Variants in GSAP observed in about 807,000 individuals in gnomAD.
GSAP encodes the protein gamma-secretase-activating protein.
In GSAP, 118 loss-of-function variants were observed where a neutral mutation model predicts 131.7. The observed-to-expected ratio is 0.90, with a 90% confidence interval of 0.77 to 1.04. The LOEUF (loss-of-function observed/expected upper bound fraction) is 1.04, where lower values mean the gene tolerates loss of function less well. GSAP is among the 50% of genes least tolerant of loss of function. The pLI is 0.00. For synonymous variants in GSAP, 381 were observed against 363.4 expected, an observed-to-expected ratio of 1.05 and a Z score of -0.55; for missense variants, 1,019 against 1,013.2, an observed-to-expected ratio of 1.01 and a Z score of -0.08.
chr7:77,401,775 T>C (rs1455060736), intron 3 of GSAP, among the ~76,000 whole-genome samples: 1 of 152,106 alleles, frequency 6.6e-6, no homozygotes, highest in Non-Finnish European at 1.5e-5. Flanking sequence ...TCCTAAAGAA[T>C]GTATAGGAAA....
intron 12 of GSAP, among the ~76,000 whole-genome samples, chr7:77,367,619 T>C (rs958446386): frequency 6.6e-6 from 1 of 152,176 alleles, no homozygotes; most frequent in African/African-American, 2.4e-5. Context: ...ATTTTGATGA[T>C]TTTTGCATCA....
intron 18 of GSAP, chr7:77,351,573 C>T (rs1337871324): frequency 1.0e-6 from 1 of 985,674 alleles, no homozygotes; most frequent in African/African-American, 1.7e-5. Flanking sequence ...ACATGGCAAA[C>T]CCCAAGATTA....
chr7:77,347,812 T>C (rs1266208692), intron 19 of GSAP, among the ~76,000 whole-genome samples: 7 of 152,194 alleles, frequency 4.6e-5, no homozygotes, highest in Middle Eastern at 3.4e-3. Flanking sequence ...TGTAGAATTA[T>C]GGATGATATT....
intron 6 of GSAP, among the ~76,000 whole-genome samples, chr7:77,384,207 CCTCCCGGT>C (rs1798207284): frequency 6.6e-6 from 1 of 152,188 alleles, no homozygotes; most frequent in South Asian, 2.1e-4. Context: ...GATGGTATGG[CCTCCCGGT>C]CTACAGAGGT....
chr7:77,320,615 A>G (rs1787512246), intron 26 of GSAP, 110 bp downstream of exon 26: 2 of 697,704 alleles, frequency 2.9e-6, no homozygotes, highest in Admixed American at 5.0e-5. Flanking sequence ...CAGATACACA[A>G]TTTCTCATAC....
intron 14 of GSAP, among the ~76,000 whole-genome samples, chr7:77,357,498 T>C (rs1374557111): frequency 2.0e-5 from 3 of 152,108 alleles, no homozygotes; most frequent in Non-Finnish European, 4.4e-5. Flanking sequence ...TGGAACGAAG[T>C]GGCCACAAGC....
intron 5 of GSAP, among the ~76,000 whole-genome samples, chr7:77,391,805 AG>A (rs1234097094): frequency 3.3e-5 from 5 of 152,228 alleles, no homozygotes; most frequent in Non-Finnish European, 7.3e-5. Context: ...AGTGCACCCC[AG>A]CTTGGGCAAC....
At chr7:77,408,873 C>G (rs1583945790) in intron 1 of GSAP, among the ~76,000 whole-genome samples, 1 of 151,788 alleles carries the variant, frequency 6.6e-6, no homozygotes. Flanking sequence ...AAGGAAAAGA[C>G]AAGATAAAAA....
At position 77,398,865 on chromosome 7, in the gene GSAP, A is replaced by G. The variant is rs547883698; in HGVS notation, c.244-1450T>C. On this transcript the variant is annotated intron_variant, in intron 3 of 30. Coordinates refer to ENST00000257626, the MANE Select transcript of GSAP (RefSeq NM_017439.4). The stretch of plus-strand genomic sequence containing the variant: ...GCATGTTTATAAATTTTCTATATTT[A>G]TGCACTTATATTACACAGTTACATT... Among the ~76,000 whole-genome samples the G allele has an allele frequency of 2.0e-5, 3 of 152,342 alleles. No homozygotes were observed. In the South Asian group the frequency reaches 6.2e-4, roughly 32 times the overall value.
At chr7:77,354,142 T>G (rs1793317004) in intron 16 of GSAP, among the ~76,000 whole-genome samples, 1 of 152,090 alleles carries the variant, frequency 6.6e-6, no homozygotes, top group Admixed American at 6.6e-5. Context: ...TCCATAATCA[T>G]CCTCACCTGC....
At chr7:77,389,935 T>C (rs1194533318) in intron 5 of GSAP, among the ~76,000 whole-genome samples, 3 of 152,218 alleles carry the variant, frequency 2.0e-5, no homozygotes, top group Non-Finnish European at 4.4e-5. Context: ...CCACATCCTC[T>C]CCAGCACCTG....
At chr7:77,362,456 C>T (rs556865399) in intron 13 of GSAP, 127 bp downstream of exon 13, 99 of 615,966 alleles carry the variant, frequency 1.6e-4, no homozygotes, top group Non-Finnish European at 2.4e-4. Flanking sequence ...CACCGCATTC[C>T]AGCCTGGGTG....
At chr7:77,393,801 G>A (rs546198937) in intron 5 of GSAP, among the ~76,000 whole-genome samples, 1 of 151,392 alleles carries the variant, frequency 6.6e-6, no homozygotes, top group Non-Finnish European at 1.5e-5. Flanking sequence ...AGCTTCCCAA[G>A]TAGCTGGGAT....
At chr7:77,385,579 T>C (rs1258490625) in intron 6 of GSAP, among the ~76,000 whole-genome samples, 1 of 152,082 alleles carries the variant, frequency 6.6e-6, no homozygotes, top group East Asian at 1.9e-4. Context: ...AAAAGAGAAG[T>C]GTGCTCTGTC....
intron 10 of GSAP, among the ~76,000 whole-genome samples, chr7:77,375,399 T>C (rs555374972): frequency 4.2e-4 from 64 of 152,286 alleles, no homozygotes; most frequent in Non-Finnish European, 6.3e-4. Flanking sequence ...AATAGGCCAA[T>C]TGGAAGCAAC....
chr7:77,376,775 C>CAAAAAAAAAAAA, intron 10 of GSAP, 73 bp downstream of exon 10: 2 of 450,296 alleles, frequency 4.4e-6, no homozygotes, highest in Non-Finnish European at 7.6e-6. Context: ...GACTCCATCT[C>CAAAAAAAAAAAA]AAAAAAAAAA....
intron 19 of GSAP, among the ~76,000 whole-genome samples, chr7:77,338,098 G>A (rs1197618498): frequency 4.6e-5 from 7 of 152,158 alleles, no homozygotes; most frequent in African/African-American, 1.7e-4. Flanking sequence ...CCAGGAGGTC[G>A]AGGCTGCAGT....
intron 3 of GSAP, among the ~76,000 whole-genome samples, chr7:77,400,001 T>C (rs1051408464): frequency 6.6e-6 from 1 of 152,076 alleles, no homozygotes; most frequent in Admixed American, 6.6e-5. Flanking sequence ...CCAAAGGAAC[T>C]GGAAAGAGGA....
chr7:77,352,486 C>T (rs1243557552), intron 18 of GSAP, among the ~76,000 whole-genome samples: 2 of 152,208 alleles, frequency 1.3e-5, no homozygotes, highest in Admixed American at 6.5e-5. Flanking sequence ...GTGAATGTGC[C>T]TAAGATTGCT....
Sources: allele counts gnomAD v4.1 joint callset (sites outside exome capture counted in the v4.1 genomes callset), GRCh38; gene constraint gnomAD v4.1.1; transcripts MANE v1.5; gene names NCBI Gene and HGNC (gene_info 2026-07-23, HGNC 2026-07-21).